Variants in SPTBN4 observed in about 807,000 individuals in gnomAD.
SPTBN4 encodes the protein spectrin beta, non-erythrocytic 4, also known as spectrin beta chain, non-erythrocytic 4.
A neutral mutation model predicts 277.8 loss-of-function variants in SPTBN4; 96 were observed. That is an observed-to-expected ratio of 0.35 (90% CI 0.29 to 0.41). The LOEUF (loss-of-function observed/expected upper bound fraction) is 0.41, where lower values mean the gene tolerates loss of function less well. Ranked by LOEUF, SPTBN4 falls within the 10% of genes least tolerant of loss-of-function variation. SPTBN4 has a pLI of 1.00. For synonymous variants in SPTBN4, 1,481 were observed against 1,580.3 expected (o/e 0.94, Z 1.49); for missense variants, 3,006 against 3,595.7 (o/e 0.84, Z 4.19).
In SPTBN4 at chr19:40,575,844, G is replaced by T. The variant is rs1568385356; in HGVS notation, c.*275G>T. 6.9e-6 allele frequency: 2 copies of T among 288,668 alleles called. No homozygotes were observed. Among genetic ancestry groups the T allele is most frequent in the East Asian group, 7.4e-5 (1 of 13,462 alleles). The allele number at this position is 288,668 out of a possible 1,614,324, so 17.9% of individuals were successfully genotyped here. A position where few individuals can be genotyped will look rare whatever the true frequency, so the allele number is the denominator to read the frequency against. On this transcript the variant is annotated 3_prime_UTR_variant, in exon 36 of 36. Coordinates refer to ENST00000598249, the MANE Select transcript of SPTBN4 (RefSeq NM_020971.3). ...TTTTATGCAATAACTGAGCTTGATG[G>T]GGGTGGGCAGGGGGCCAGTTGAGCC... is the stretch of plus-strand genomic sequence containing the variant.
chr19:40,471,732 T>C (rs1190678581), intron 1 of SPTBN4, among the ~76,000 whole-genome samples: 1 of 151,738 alleles, frequency 6.6e-6, no homozygotes, highest in South Asian at 2.1e-4. Flanking sequence ...ACCACCACAT[T>C]TGGCTAATTT....
At chr19:40,522,922 A>G (rs2080545297) in intron 16 of SPTBN4, among the ~76,000 whole-genome samples, 1 of 151,970 alleles carries the variant, frequency 6.6e-6, no homozygotes, top group African/African-American at 2.4e-5. Context: ...ACCTGCGGTC[A>G]GGAGTTTGAG....
At chr19:40,530,648 AG>A in intron 18 of SPTBN4, 1 of 798,322 alleles carries the variant, frequency 1.3e-6, no homozygotes, top group Non-Finnish European at 1.5e-6. Context: ...CAGACAGGGG[AG>A]GGGGCTCGGG....
intron 18 of SPTBN4, 21 bp from the exon 19 acceptor site, chr19:40,532,604 C>G (rs1449271586): frequency 6.2e-7 from 1 of 1,607,118 alleles, no homozygotes; most frequent in African/African-American, 1.3e-5. Flanking sequence ...CAGCTGAGCC[C>G]TCCTGCCCTG....
chr19:40,549,432 C>T lies in SPTBN4; in HGVS notation c.4584+19C>T, dbSNP rs565717953. The T allele has an allele frequency of 7.6e-6, 4 of 529,508 alleles. No individual in the cohort carries two copies. The South Asian group carries it at 8.6e-5, about 11-fold the overall frequency. 32.8% of individuals were successfully genotyped at this position (529,508 alleles called of 1,614,324 possible). The stretch of plus-strand genomic sequence containing the variant: ...CGAGCTGGTGAGGCCAGCGCAGGGG[C>T]CTGGGGCGGGGCGGGGCGGGGCGGT... On this transcript the variant is annotated intron_variant, in intron 21 of 35. Transcript: ENST00000598249.
intron 18 of SPTBN4, among the ~76,000 whole-genome samples, chr19:40,531,546 A>C (rs555565172): frequency 9.0e-6 from 1 of 110,664 alleles, no homozygotes; most frequent in East Asian, 2.5e-4. Flanking sequence ...GGGAGGAGAA[A>C]GGGGAGGAGC....
rs777446050 is a variant in SPTBN4, at chr19:40,560,372, G to A, written c.5884G>A (p.Ala1962Thr). ...RDLLSWMDGI[A>T]SQIGAADKPR... is the part of the protein sequence containing the mutation. Reference sequence around the variant, plus strand: ...CCTGCTCTCCTGGATGGATGGCATCGCCAGCCAGATTGGGGCAGCCGACAA... The same window carrying A: ...CCTGCTCTCCTGGATGGATGGCATCACCAGCCAGATTGGGGCAGCCGACAA... The change falls in exon 27 of 36, where the codon GCC (alanine) becomes ACC (threonine). Residue 1962 changes from alanine to threonine, a missense_variant. Physicochemically the swap from Ala to Thr is moderately conservative, Grantham distance 58 (BLOSUM62 0). This residue lies in a region of SPTBN4 where 425 missense variants were observed against 594.7 expected (regional missense o/e 0.71). Coordinates refer to ENST00000598249, the MANE Select transcript of SPTBN4 (RefSeq NM_020971.3). The surrounding 1 kb of genome is among the most constrained non-coding windows in gnomAD (Gnocchi z 5.2). 14 of 1,613,712 alleles carry A rather than the reference G, an allele frequency of 8.7e-6. No individual in the cohort carries two copies. The highest frequency in any genetic ancestry group is 1.3e-5 in the African/African-American group (1 of 74,924).
intron 1 of SPTBN4, 57 bp downstream of exon 1, chr19:40,467,362 C>G (rs551970411): frequency 6.6e-6 from 1 of 152,300 alleles, no homozygotes; most frequent in African/African-American, 2.4e-5. Flanking sequence ...ACCTGGCGAG[C>G]ATCCCTCCTC....
chr19:40,558,812 T>C lies in SPTBN4; in HGVS notation c.5671-1347T>C, dbSNP rs1599808950. 2.6e-5 allele frequency among the ~76,000 whole-genome samples: 4 copies of C among 152,108 alleles called. No individual in the cohort carries two copies. The East Asian group carries it at 7.7e-4, about 29-fold the overall frequency. ...TAGTAGAGACGGGATTTCACCATGT[T>C]GGCCAGGCTGGCCTCGAAATCCTGA... On this transcript the variant is annotated intron_variant, in intron 26 of 35. Transcript: ENST00000598249.
At position 40,490,156 on chromosome 19, in the gene SPTBN4, G is replaced by C; in HGVS notation, c.403G>C (p.Val135Leu). The C allele has an allele frequency of 1.2e-6, 2 of 1,614,184 alleles. No homozygotes were observed. The highest frequency in any genetic ancestry group is 1.7e-6 in the Non-Finnish European group (2 of 1,180,030). The part of the protein sequence containing the change: ...KALQFLKEQR[V>L]HLENVGSHDI... ...GCTGCAGTTTCTGAAGGAGCAGCGC[G>C]TGCACCTGGAGAACGTGGGTTCGCA... Residue 135 changes from valine to leucine, a missense_variant, in exon 4 of 36, where the codon GTG becomes CTG. Transcript: ENST00000598249. The surrounding 1 kb of genome is among the most constrained non-coding windows in gnomAD (Gnocchi z 4.3).
rs369905187 is a variant in SPTBN4 at position 40,526,578 on chromosome 19, GCTTT to G, written c.3858-2458_3858-2455del. 2.9e-3 allele frequency among the ~76,000 whole-genome samples: 440 copies of G among 152,072 alleles called. 2 individuals are homozygous for G. The highest frequency in any genetic ancestry group is 4.5e-3 in the Admixed American group (69 of 15,266). The stretch of plus-strand genomic sequence containing the variant: ...CCACAGCCTAGATTTGAACCCTGTT[GCTTT>G]CTTTTCTTTTCTTTTTTTTAAAGAC... On this transcript the variant is annotated intron_variant, in intron 17 of 35. Coordinates refer to ENST00000598249, the MANE Select transcript of SPTBN4 (RefSeq NM_020971.3).
intron 13 of SPTBN4, among the ~76,000 whole-genome samples, chr19:40,511,080 G>T (rs891326129): frequency 2.0e-5 from 3 of 151,872 alleles, no homozygotes; most frequent in African/African-American, 7.3e-5. Context: ...ATGCATACAT[G>T]GGCACACAGG....
intron 25 of SPTBN4, among the ~76,000 whole-genome samples, chr19:40,556,566 G>A (rs1345840422): frequency 1.3e-5 from 2 of 148,814 alleles, no homozygotes; most frequent in African/African-American, 5.0e-5. Context: ...TGTTCAGTAA[G>A]TGTTAGATAT....
At chr19:40,553,322 T>C (rs2080939310) in intron 22 of SPTBN4, among the ~76,000 whole-genome samples, 1 of 152,056 alleles carries the variant, frequency 6.6e-6, no homozygotes, top group African/African-American at 2.4e-5. Context: ...TCTCCAAAAA[T>C]ATTTTTTAAA....
In SPTBN4 at chr19:40,572,684, C is replaced by T. The variant is rs139694752; in HGVS notation, c.7536+304C>T. On this transcript the variant is annotated intron_variant, in intron 35 of 35. Transcript: ENST00000598249. ...TTTAAAAAGGGGTGATTTGGCCAGG[C>T]GCGGTGGCTCACGCTTGTAATCCCA... 1.9e-3 allele frequency: 742 copies of T among 391,516 alleles called. 6 individuals carry two copies. The highest frequency in any genetic ancestry group is 0.014 in the African/African-American group (690 of 48,926). 24.3% of individuals were successfully genotyped at this position (391,516 alleles called of 1,614,324 possible). A position where few individuals can be genotyped will look rare whatever the true frequency, so the allele number is the denominator to read the frequency against.
intron 1 of SPTBN4, among the ~76,000 whole-genome samples, chr19:40,468,164 G>C (rs1193375786): frequency 1.3e-5 from 2 of 150,250 alleles, no homozygotes; most frequent in African/African-American, 4.9e-5. Context: ...TGCAACCTCT[G>C]CCTCCCGACT....
At position 40,534,315 on chromosome 19, in the gene SPTBN4, C is replaced by T; in HGVS notation, c.4331C>T (p.Thr1444Ile). The T allele has an allele frequency of 6.2e-7, 1 of 1,613,834 alleles. No homozygotes were observed. Among genetic ancestry groups the T allele is most frequent in the East Asian group, 2.2e-5 (1 of 44,886 alleles). ...GTGGACCCTGGAGGAGACCTGGCCA[C>T]TGTCAACAGTCAGCTCAAGAAGCTG... ...QDVDPGGDLA[T>I]VNSQLKKLQS... Residue 1444 changes from threonine to isoleucine, a missense_variant, in exon 20 of 36, where the codon ACT (threonine) becomes ATT (isoleucine). Physicochemically the swap from Thr to Ile is moderately conservative, Grantham distance 89 (BLOSUM62 -1). Transcript: ENST00000598249.
At chr19:40,536,503 T>C (rs1170673377) in intron 20 of SPTBN4, among the ~76,000 whole-genome samples, 1 of 151,834 alleles carries the variant, frequency 6.6e-6, no homozygotes, top group Non-Finnish European at 1.5e-5. Context: ...TGTGAGCCAC[T>C]GTGCCCGGCC....
chr19:40,485,989 A>AAC (rs980919809), intron 2 of SPTBN4, among the ~76,000 whole-genome samples: 5 of 151,774 alleles, frequency 3.3e-5, no homozygotes, highest in Non-Finnish European at 1.5e-5. Flanking sequence ...AAAAAAAAAA[A>AAC]AAAACAGTAG....
Sources: gnomAD v4.1 joint callset for allele counts (sites outside exome capture counted in the v4.1 genomes callset) on GRCh38, gnomAD v4.1.1 for gene constraint, gnomAD v4.1.1 regional missense constraint, Gnocchi (gnomAD v3.1) non-coding constraint, MANE v1.5 for transcripts, NCBI Gene and HGNC (gene_info 2026-07-23, HGNC 2026-07-21) for gene names.